The following YEATS2 variants were observed in gnomAD, a reference collection of about 807,000 sequenced individuals.
The protein encoded by YEATS2 is YEATS domain-containing protein 2.
Under a neutral mutation model 163.2 loss-of-function variants are expected in YEATS2, and 77 were observed. That is an observed-to-expected ratio of 0.47 (90% CI 0.39 to 0.57). The LOEUF is 0.57. Among genes scored for constraint, YEATS2 ranks in the 20% least tolerant of loss-of-function variants. The pLI, the probability that YEATS2 is intolerant of heterozygous loss-of-function variation, is 0.00. For synonymous variants in YEATS2, 631 were observed against 645.1 expected (o/e 0.98, Z 0.33); for missense variants, 1,549 against 1,729.8 (o/e 0.90, Z 1.85).
chr3:183,752,468 G>A (rs563551823), intron 10 of YEATS2, among the ~76,000 whole-genome samples: 1 of 152,148 alleles, frequency 6.6e-6, no homozygotes, highest in Admixed American at 6.5e-5. Flanking sequence ...CCAGCACTTT[G>A]GGAGGCCAAG....
At chr3:183,779,732 T>C (rs1330788605) in intron 19 of YEATS2, among the ~76,000 whole-genome samples, 2 of 152,006 alleles carry the variant, frequency 1.3e-5, no homozygotes, top group Non-Finnish European at 2.9e-5. Context: ...ACAGCCTTGC[T>C]CTGTCGCCAG....
At chr3:183,791,096 C>T (rs1355461882) in intron 21 of YEATS2, 116 bp downstream of exon 21, 7 of 1,357,554 alleles carry the variant, frequency 5.2e-6, no homozygotes, top group African/African-American at 1.5e-5. Flanking sequence ...TGCAATATCA[C>T]AATCTCGACT....
At chr3:183,732,465 T>A (rs978201660) in intron 7 of YEATS2, among the ~76,000 whole-genome samples, 1 of 149,746 alleles carries the variant, frequency 6.7e-6, no homozygotes, top group African/African-American at 2.5e-5. Context: ...AATAAATAAA[T>A]AAAAAATAAA....
chr3:183,753,299 T>C (rs959201451), intron 10 of YEATS2, among the ~76,000 whole-genome samples: 4 of 152,228 alleles, frequency 2.6e-5, no homozygotes, highest in Non-Finnish European at 5.9e-5. Context: ...TATTTTAATG[T>C]TCCCATATAT....
At chr3:183,770,722 G>C (rs16848465) in intron 15 of YEATS2, among the ~76,000 whole-genome samples, 4,299 of 152,252 alleles carry the variant, frequency 0.028, 205 homozygotes, top group African/African-American at 0.097. Context: ...ACGTGATGTT[G>C]TTTGTGTTTT....
At chr3:183,807,189 TCACAGA>T (rs1341753574) in intron 28 of YEATS2, 97 bp downstream of exon 28, 7 of 1,117,326 alleles carry the variant, frequency 6.3e-6, no homozygotes, top group African/African-American at 1.5e-5. Context: ...GTGTTCAGCC[TCACAGA>T]CACAGACTCA....
chr3:183,726,688 T>C (rs1332022962), intron 6 of YEATS2, among the ~76,000 whole-genome samples: 1 of 152,232 alleles, frequency 6.6e-6, no homozygotes, highest in Non-Finnish European at 1.5e-5. Context: ...ATTCCCTCTA[T>C]GCTATCTCTT....
chr3:183,739,135 G>A (rs1718682680), intron 8 of YEATS2, among the ~76,000 whole-genome samples: 1 of 152,026 alleles, frequency 6.6e-6, no homozygotes, highest in South Asian at 2.1e-4. Flanking sequence ...GTTTTGATTT[G>A]CATTTCTCTG....
intron 1 of YEATS2, among the ~76,000 whole-genome samples, chr3:183,709,923 G>A (rs1050962407): frequency 2.0e-5 from 3 of 150,534 alleles, no homozygotes; most frequent in Non-Finnish European, 4.4e-5. Context: ...CTTGTGATCC[G>A]CCCACCTCGG....
chr3:183,806,736 G>C, intron 27 of YEATS2, 130 bp from the exon 28 acceptor site: 1 of 844,024 alleles, frequency 1.2e-6, no homozygotes, highest in Non-Finnish European at 1.8e-6. Flanking sequence ...TCCATAGAAT[G>C]TTAGAACTGG....
intron 6 of YEATS2, among the ~76,000 whole-genome samples, chr3:183,728,140 C>CTTTAGCTTCGAACTTATTCGGTGTGCTA (rs1717317100): frequency 4.6e-5 from 7 of 152,140 alleles, no homozygotes; most frequent in Non-Finnish European, 7.4e-5. Flanking sequence ...TTGTAGCTCA[C>CTTTAGCTTCGAACTTATTCGGTGTGCTA]TTTAGCTTCG....
intron 4 of YEATS2, among the ~76,000 whole-genome samples, chr3:183,721,625 A>G (rs940416195): frequency 2.6e-5 from 4 of 152,182 alleles, no homozygotes; most frequent in Admixed American, 2.0e-4. Context: ...CTGTGTTAAC[A>G]TATATTATTT....
intron 12 of YEATS2, among the ~76,000 whole-genome samples, chr3:183,757,775 T>G (rs1180754119): frequency 1.3e-5 from 2 of 152,098 alleles, no homozygotes; most frequent in Non-Finnish European, 2.9e-5. Flanking sequence ...AAGCAGTTTT[T>G]TTTTTTTTTG....
At chr3:183,793,852 A>G (rs1381829050) in intron 21 of YEATS2, among the ~76,000 whole-genome samples, 1 of 152,064 alleles carries the variant, frequency 6.6e-6, no homozygotes, top group African/African-American at 2.4e-5. Flanking sequence ...ACCTCAGGTG[A>G]TCCGCCCGCC....
chr3:183,698,052 A>G (rs919163204), intron 1 of YEATS2, 59 bp downstream of exon 1: 4 of 151,718 alleles, frequency 2.6e-5, no homozygotes, highest in African/African-American at 9.7e-5. Context: ...TCTCCGGGGC[A>G]TTGTTTGGGC....
intron 6 of YEATS2, among the ~76,000 whole-genome samples, chr3:183,728,001 A>G (rs1271798073): frequency 1.3e-5 from 2 of 152,022 alleles, no homozygotes; most frequent in Admixed American, 6.6e-5. Context: ...ACAAACTTTT[A>G]ACAGAATGTC....
intron 15 of YEATS2, among the ~76,000 whole-genome samples, chr3:183,764,368 TAAAAAAAAAAA>T (rs11452949): frequency 4.8e-5 from 5 of 105,228 alleles, no homozygotes; most frequent in South Asian, 3.5e-4. Context: ...AAACTCTGTT[TAAAAAAAAAAA>T]AAAAAAAAAA....
chr3:183,729,643 A>C (rs1477184503), intron 7 of YEATS2, among the ~76,000 whole-genome samples: 2 of 150,644 alleles, frequency 1.3e-5, no homozygotes, highest in Admixed American at 1.3e-4. Flanking sequence ...ATTGTTGTGA[A>C]ATTTGCTTGT....
intron 5 of YEATS2, among the ~76,000 whole-genome samples, chr3:183,724,132 C>T (rs1459265127): frequency 6.6e-6 from 1 of 152,152 alleles, no homozygotes; most frequent in Non-Finnish European, 1.5e-5. Flanking sequence ...GAAGTAACCA[C>T]TGTAATAGTT....
Sources: gnomAD v4.1 joint callset for allele counts (sites outside exome capture counted in the v4.1 genomes callset) on GRCh38, gnomAD v4.1.1 for gene constraint, MANE v1.5 for transcripts, NCBI Gene and HGNC (gene_info 2026-07-23, HGNC 2026-07-21) for gene names.